The following PCDHA10 variants were observed in gnomAD, a reference collection of about 807,000 sequenced individuals.
PCDHA10 encodes the protein protocadherin alpha-10.
PCDHA10 carries 45 observed loss-of-function variants against 61.2 expected under a neutral mutation model. The ratio of observed to expected loss-of-function variants is 0.74; its 90% confidence interval spans 0.58 to 0.94. PCDHA10 has a LOEUF of 0.94. PCDHA10 is among the 40% of genes least tolerant of loss of function. The pLI, the probability that PCDHA10 is intolerant of heterozygous loss-of-function variation, is 0.00. For synonymous variants in PCDHA10, 602 were observed against 548.8 expected (o/e 1.10, Z -1.35); for missense variants, 1,278 against 1,236.2 (o/e 1.03, Z -0.51).
chr5:140,928,551 G>C, intron 1 of PCDHA10: 1 of 1,614,164 alleles, frequency 6.2e-7, no homozygotes, highest in Non-Finnish European at 8.5e-7. Context: ...ACAATTATCC[G>C]GTTATCTTGT....
chr5:140,979,411 T>C (rs1422593406), intron 2 of PCDHA10, among the ~76,000 whole-genome samples: 1 of 152,204 alleles, frequency 6.6e-6, no homozygotes, highest in Non-Finnish European at 1.5e-5. Flanking sequence ...CTACCTTGTT[T>C]TTTTTTTAAT....
intron 1 of PCDHA10, among the ~76,000 whole-genome samples, chr5:140,906,354 A>C (rs552915845): frequency 3.8e-4 from 58 of 152,336 alleles, no homozygotes; most frequent in South Asian, 1.7e-3. Context: ...GAATGCACCA[A>C]TTCCCAACCC....
intron 1 of PCDHA10, among the ~76,000 whole-genome samples, chr5:140,952,079 C>A (rs2094682960): frequency 6.6e-6 from 1 of 152,162 alleles, no homozygotes; most frequent in South Asian, 2.1e-4. Flanking sequence ...TTCATTGACT[C>A]CATGTCTCAC....
chr5:140,864,887 G>T (rs2048644726), intron 1 of PCDHA10: 1 of 152,148 alleles, frequency 6.6e-6, no homozygotes, highest in African/African-American at 2.4e-5. Flanking sequence ...TGTTCATTAA[G>T]CTGCATGGTC....
chr5:140,928,860 G>T, intron 1 of PCDHA10: 8 of 1,614,154 alleles, frequency 5.0e-6, no homozygotes, highest in Non-Finnish European at 6.8e-6. Flanking sequence ...GTGTGCTGTT[G>T]AGCAACTCTG....
chr5:140,965,259 A>G (rs1257686866), intron 1 of PCDHA10, among the ~76,000 whole-genome samples: 1 of 152,218 alleles, frequency 6.6e-6, no homozygotes, highest in African/African-American at 2.4e-5. Context: ...AGAACTGAGC[A>G]GCAGAGGCAA....
chr5:140,935,280 G>A (rs1039041502), intron 1 of PCDHA10, among the ~76,000 whole-genome samples: 2 of 152,114 alleles, frequency 1.3e-5, no homozygotes, highest in Admixed American at 6.5e-5. Context: ...ATCTAATAAA[G>A]TTCAGCACTC....
chr5:140,986,401 C>T (rs782437347), intron 3 of PCDHA10, among the ~76,000 whole-genome samples: 1 of 152,172 alleles, frequency 6.6e-6, no homozygotes. Context: ...GCCAGTCGCT[C>T]ATGTTACAGC....
In PCDHA10 at chr5:140,903,563, T is replaced by C. The variant is rs1459855021; in HGVS notation, c.2388+45127T>C. ...CAAGAAACTTTTCTAATAAGTGGAA[T>C]TGGGAGCTGTCTAGCTGGTGTTGGC... On this transcript the variant is annotated intron_variant, in intron 1 of 3. Transcript: ENST00000307360. Among the ~76,000 whole-genome samples the C allele has an allele frequency of 2.6e-5, 4 of 152,208 alleles. No individual in the cohort carries two copies. In the East Asian group the frequency reaches 5.8e-4, roughly 22 times the overall value.
At chr5:140,898,720 T>C (rs1343662110) in intron 1 of PCDHA10, among the ~76,000 whole-genome samples, 5 of 152,214 alleles carry the variant, frequency 3.3e-5, no homozygotes, top group African/African-American at 4.8e-5. Flanking sequence ...TTTCCAATTC[T>C]GTGAAGAAAG....
At chr5:140,878,556 A>G (rs959852623) in intron 1 of PCDHA10, among the ~76,000 whole-genome samples, 3 of 152,156 alleles carry the variant, frequency 2.0e-5, no homozygotes, top group East Asian at 3.8e-4. Context: ...GATGATCCCA[A>G]ACTTATCATA....
intron 3 of PCDHA10, among the ~76,000 whole-genome samples, chr5:140,993,715 G>A (rs954129865): frequency 2.0e-5 from 3 of 152,060 alleles, no homozygotes; most frequent in Non-Finnish European, 4.4e-5. Flanking sequence ...TATTTTTACT[G>A]TACCTTTTCT....
chr5:140,870,726 G>A (rs782321328), intron 1 of PCDHA10: 15 of 1,613,118 alleles, frequency 9.3e-6, no homozygotes, highest in East Asian at 2.2e-5. Flanking sequence ...ATGCGGGCGT[G>A]CCGCCTCTGA....
chr5:140,978,057 T>C (rs527562348), intron 1 of PCDHA10, among the ~76,000 whole-genome samples: 1 of 152,304 alleles, frequency 6.6e-6, no homozygotes, highest in South Asian at 2.1e-4. Context: ...ACTGATGATG[T>C]CCCAGTGATT....
At chr5:140,898,703 G>A (rs2066931625) in intron 1 of PCDHA10, among the ~76,000 whole-genome samples, 1 of 152,068 alleles carries the variant, frequency 6.6e-6, no homozygotes, top group Non-Finnish European at 1.5e-5. Context: ...GAACTTTAAA[G>A]TAGTTTTTTC....
rs114567887 is a variant in PCDHA10, at chr5:140,974,104, T to G, written c.2389-4845T>G. The stretch of plus-strand genomic sequence containing the variant: ...GACTTCAAAAATCAAAGGTTAAAAG[T>G]ATTCTTTTGCAGTGTTTTAAATCTG... On this transcript the variant is annotated intron_variant, in intron 1 of 3. Coordinates refer to ENST00000307360, the MANE Select transcript of PCDHA10 (RefSeq NM_018901.4). Among the ~76,000 whole-genome samples, 1,327 of 152,364 alleles carry G rather than the reference T, an allele frequency of 8.7e-3. 24 individuals carry two copies. Among genetic ancestry groups the G allele is most frequent in the African/African-American group, 0.03 (1,240 of 41,584 alleles).
intron 1 of PCDHA10, among the ~76,000 whole-genome samples, chr5:140,896,683 C>T (rs2153454060): frequency 6.6e-6 from 1 of 152,068 alleles, no homozygotes; most frequent in South Asian, 2.1e-4. Context: ...GGCCCTTTGC[C>T]CATTTTTTGA....
chr5:140,877,298 A>C, intron 1 of PCDHA10: 1 of 1,613,870 alleles, frequency 6.2e-7, no homozygotes. Flanking sequence ...TGGCTGTCCT[A>C]CGAGTTGCAA....
intron 1 of PCDHA10, among the ~76,000 whole-genome samples, chr5:140,947,316 G>A (rs1325852826): frequency 2.6e-5 from 4 of 151,352 alleles, no homozygotes; most frequent in East Asian, 1.9e-4. Context: ...GTAAAAAGTC[G>A]GTTGACCATA....
Sources: allele counts gnomAD v4.1 joint callset (sites outside exome capture counted in the v4.1 genomes callset), GRCh38; gene constraint gnomAD v4.1.1; transcripts MANE v1.5; gene names NCBI Gene and HGNC (gene_info 2026-07-23, HGNC 2026-07-21).